The following TTLL6 variants were observed in gnomAD, a reference collection of about 807,000 sequenced individuals.
TTLL6 encodes tubulin tyrosine ligase like 6, also known as tubulin polyglutamylase TTLL6.
Under a neutral mutation model 96.4 loss-of-function variants are expected in TTLL6, and 75 were observed. The observed-to-expected ratio is 0.78, with a 90% CI of 0.65 to 0.94. The LOEUF (loss-of-function observed/expected upper bound fraction) is 0.94. Ranked by LOEUF, TTLL6 falls within the 40% of genes least tolerant of loss-of-function variation. TTLL6 has a pLI of 0.00. For missense variants in TTLL6, 1,030 were observed against 1,093.0 expected (o/e 0.94, Z 0.81); for synonymous variants, 411 against 419.4 (o/e 0.98, Z 0.24).
intron 13 of TTLL6, among the ~76,000 whole-genome samples, chr17:48,776,042 T>C (rs1324762117): frequency 6.6e-6 from 1 of 152,122 alleles, no homozygotes; most frequent in Non-Finnish European, 1.5e-5. Flanking sequence ...CCAGAAGTCC[T>C]AGCCAGTGCA....
chr17:48,777,738 A>T (rs1010050198), intron 13 of TTLL6, among the ~76,000 whole-genome samples: 8 of 151,490 alleles, frequency 5.3e-5, no homozygotes, highest in African/African-American at 1.7e-4. Flanking sequence ...CTCAAAAAAA[A>T]AAAAATATAC....
chr17:48,767,430 G>A (rs1438598852), intron 15 of TTLL6, among the ~76,000 whole-genome samples: 1 of 152,020 alleles, frequency 6.6e-6, no homozygotes, highest in East Asian at 2.0e-4. Context: ...ATAAAATGCA[G>A]ATTCCTGGGC....
intron 13 of TTLL6, among the ~76,000 whole-genome samples, chr17:48,782,111 T>G (rs1349218650): frequency 2.0e-5 from 3 of 149,378 alleles, no homozygotes; most frequent in Admixed American, 2.0e-4. Flanking sequence ...TTTTCTTTTT[T>G]TTTTTTTTTT....
chr17:48,770,086 G>A lies in TTLL6; in HGVS notation c.2052C>T (p.Ser684=), dbSNP rs199679267. Residue 684 remains serine (S), a synonymous_variant, in exon 14 of 16, where the codon TCC becomes TCT. Transcript: ENST00000393382. Reference sequence around the variant, plus strand: ...TGGTGGATTCTGGGGTGGTTTCTACGGAGGTTAAGTGCTGGAAGAAAAGAC... The same window carrying A: ...TGGTGGATTCTGGGGTGGTTTCTACAGAGGTTAAGTGCTGGAAGAAAAGAC... ...NVFTGTVHLT[S]VETTPESTTQ... The A allele has an allele frequency of 4.9e-5, 78 of 1,604,902 alleles. No individual in the cohort carries two copies. Among genetic ancestry groups the A allele is most frequent in the African/African-American group, 2.0e-4 (15 of 74,708 alleles).
chr17:48,788,096 A>C lies in TTLL6; in HGVS notation c.1401-97T>G. On this transcript the variant is annotated intron_variant, in intron 10 of 15. Coordinates refer to ENST00000393382, the MANE Select transcript of TTLL6 (RefSeq NM_001130918.3). Reference sequence around the variant, plus strand: ...CTGGAGGTCGTCTAGGGCCAGATGGAGGCCTTGCACATAATGGCGGTCAAT... The same window carrying C: ...CTGGAGGTCGTCTAGGGCCAGATGGCGGCCTTGCACATAATGGCGGTCAAT... The C allele has an allele frequency of 2.7e-6, 3 of 1,131,436 alleles. No individual in the cohort carries two copies. The South Asian group carries it at 4.5e-5, about 17-fold the overall frequency. The allele number at this position is 1,131,436 out of a possible 1,614,324, so 70.1% of individuals were successfully genotyped here.
chr17:48,778,988 T>C (rs967053987), intron 13 of TTLL6, among the ~76,000 whole-genome samples: 1 of 150,280 alleles, frequency 6.7e-6, no homozygotes, highest in Non-Finnish European at 1.5e-5. Flanking sequence ...TCTCAGCTAC[T>C]CAGGAGGCTG....
Position 48,790,064 on chromosome 17 carries a change from T to C in TTLL6, c.1267A>G (p.Lys423Glu). The C allele has an allele frequency of 1.2e-6, 2 of 1,614,098 alleles. No homozygotes were observed. Among genetic ancestry groups the C allele is most frequent in the East Asian group, 2.2e-5 (1 of 44,884 alleles). The change falls in exon 10 of 16, where the codon AAA becomes GAA. Residue 423 changes from lysine (K) to glutamate (E), a missense_variant. By Grantham distance (56) the Lys-to-Glu change is moderately conservative. Coordinates refer to ENST00000393382, the MANE Select transcript of TTLL6 (RefSeq NM_001130918.3). Reference sequence around the variant, plus strand: ...TACAGCAGACCATCTTTCACCTCTTTATCCAACCGAGAGTCGGTGGAGAAG... The same window carrying C: ...TACAGCAGACCATCTTTCACCTCTTCATCCAACCGAGAGTCGGTGGAGAAG... Reference protein sequence around the residue: ...PSFSTDSRLDKEVKDGLLYDT... With the variant: ...PSFSTDSRLDEEVKDGLLYDT...
At chr17:48,806,363 C>G (rs1180971626) in intron 1 of TTLL6, 2 of 152,084 alleles carry the variant, frequency 1.3e-5, no homozygotes, top group Non-Finnish European at 2.9e-5. Context: ...GCTTAGTTTG[C>G]CTTTGGGTAA....
rs908528768 is a variant in TTLL6, at chr17:48,816,980, T to C, written c.93A>G (p.Val31=). The C allele has an allele frequency of 2.0e-6, 3 of 1,534,990 alleles. No individual in the cohort carries two copies. In the African/African-American group the frequency reaches 4.2e-5, roughly 21 times the overall value. Residue 31 remains valine (V), a synonymous_variant, in exon 1 of 16, where the codon GTA becomes GTG. Transcript: ENST00000393382. ...TTGGGGCGCTCTTACCCGCAATTCC[T>C]ACTCCCCCGTCTCGCCCCGCTGGGC... ...TSSPAGRDGG[V]GIAGAWYFPR... is the part of the protein sequence containing the mutation.
intron 1 of TTLL6, among the ~76,000 whole-genome samples, chr17:48,812,512 T>A (rs528042325): frequency 4.6e-5 from 7 of 152,350 alleles, no homozygotes; most frequent in Admixed American, 1.3e-4. Flanking sequence ...TTTCCTCATC[T>A]GTAAAGTGGC....
At chr17:48,799,572 G>A in intron 6 of TTLL6, 32 bp downstream of exon 6, 2 of 1,545,128 alleles carry the variant, frequency 1.3e-6, no homozygotes, top group Non-Finnish European at 1.8e-6. Context: ...GTTGCTGTGG[G>A]TGATAAATAA....
intron 13 of TTLL6, among the ~76,000 whole-genome samples, chr17:48,779,377 AAGAC>A (rs2038945277): frequency 6.6e-6 from 1 of 151,188 alleles, no homozygotes; most frequent in African/African-American, 2.4e-5. Context: ...AAAAAAAAAA[AAGAC>A]AGATAACGCC....
intron 3 of TTLL6, among the ~76,000 whole-genome samples, chr17:48,801,851 C>A (rs1450107583): frequency 6.6e-6 from 1 of 151,788 alleles, no homozygotes; most frequent in Non-Finnish European, 1.5e-5. Context: ...TCAAGACCAG[C>A]CTGGCCAACA....
In TTLL6 at chr17:48,785,213, A is replaced by G. The variant is rs774231495; in HGVS notation, c.1762-12T>C. 2 of 1,614,086 alleles carry G rather than the reference A, an allele frequency of 1.2e-6. No individual in the cohort carries two copies. The highest frequency in any genetic ancestry group is 1.7e-6 in the Non-Finnish European group (2 of 1,180,018). ...AATGGCTGGATGTACTGAGGGAGGA[A>G]GAAACCACAACACACAGCCATGGGA... On this transcript the variant is annotated splice_polypyrimidine_tract_variant and intron_variant, in intron 12 of 15. Transcript: ENST00000393382.
intron 4 of TTLL6, 65 bp from the exon 5 acceptor site, chr17:48,801,450 G>A: frequency 6.4e-7 from 1 of 1,551,070 alleles, no homozygotes; most frequent in Non-Finnish European, 8.7e-7. Flanking sequence ...ATCTCCTCGG[G>A]AGACAGGTGT....
At chr17:48,812,741 A>G (rs1265291365) in intron 1 of TTLL6, among the ~76,000 whole-genome samples, 1 of 152,224 alleles carries the variant, frequency 6.6e-6, no homozygotes, top group African/African-American at 2.4e-5. Flanking sequence ...TGAGATGTTC[A>G]TATGCTCCTT....
chr17:48,785,717 C>T (rs2039078417), intron 12 of TTLL6, among the ~76,000 whole-genome samples: 1 of 152,158 alleles, frequency 6.6e-6, no homozygotes, highest in South Asian at 2.1e-4. Flanking sequence ...CCATGACCGA[C>T]ATCCCATGTA....
chr17:48,814,046 C>A (rs780395025), intron 1 of TTLL6, among the ~76,000 whole-genome samples: 1 of 152,042 alleles, frequency 6.6e-6, no homozygotes, highest in Admixed American at 6.6e-5. Context: ...AGGCTGGGTG[C>A]GGTGGCTCAC....
chr17:48,786,866 C>G (rs920946119), intron 11 of TTLL6, among the ~76,000 whole-genome samples: 1 of 145,506 alleles, frequency 6.9e-6, no homozygotes, highest in African/African-American at 2.6e-5. Flanking sequence ...TGGAGTCTCG[C>G]TCTGTCCCCC....
Sources: allele counts gnomAD v4.1 joint callset (sites outside exome capture counted in the v4.1 genomes callset), GRCh38; gene constraint gnomAD v4.1.1; transcripts MANE v1.5; gene names NCBI Gene and HGNC (gene_info 2026-07-23, HGNC 2026-07-21).